The following SPMIP10 variants were observed in gnomAD, a reference collection of about 807,000 sequenced individuals.
SPMIP10 encodes sperm microtubule inner protein 10.
the SPMIP10 span, among the ~76,000 whole-genome samples, chr5:126,633,024 T>A: frequency 4.9e-4 from 68 of 138,828 alleles, 1 homozygote; most frequent in African/African-American, 1.9e-3. Flanking sequence ...TATATATATA[T>A]ATATATATAA....
chr5:126,634,321 AC>A, the SPMIP10 span, among the ~76,000 whole-genome samples: 1 of 152,164 alleles, frequency 6.6e-6, no homozygotes, highest in Non-Finnish European at 1.5e-5. Context: ...AATCCCAGCT[AC>A]TTGGGAGGCT....
chr5:126,633,008 C>CATATACATATATATATAT, the SPMIP10 span, among the ~76,000 whole-genome samples: 83 of 125,314 alleles, frequency 6.6e-4, no homozygotes, highest in Admixed American at 2.2e-3. Context: ...ATAAATTTTA[C>CATATACATATATATATAT]ATATATATAT....
At chr5:126,632,014 A>C in the SPMIP10 span, among the ~76,000 whole-genome samples, 49 of 152,182 alleles carry the variant, frequency 3.2e-4, no homozygotes, top group Non-Finnish European at 6.5e-4. Flanking sequence ...AAGCCAATAT[A>C]GTTTCTGTTT....
chr5:126,633,391 C>T, the SPMIP10 span, among the ~76,000 whole-genome samples: 2 of 152,092 alleles, frequency 1.3e-5, no homozygotes, highest in Non-Finnish European at 2.9e-5. Context: ...GACAGGGTCT[C>T]GCTCTGTCAT....
the SPMIP10 span, among the ~76,000 whole-genome samples, chr5:126,632,352 C>G: frequency 8.7e-5 from 13 of 150,214 alleles, no homozygotes; most frequent in South Asian, 2.1e-4. Flanking sequence ...TTACAGATAC[C>G]TGGCCCTGAC....
At chr5:126,631,757 G>A in the SPMIP10 span, 7 of 1,611,940 alleles carry the variant, frequency 4.3e-6, no homozygotes, top group Non-Finnish European at 5.9e-6. Context: ...AAAGATACTT[G>A]TCCTACTTTG....
At chr5:126,631,923 C>T in the SPMIP10 span, 1 of 724,524 alleles carries the variant, frequency 1.4e-6, no homozygotes, top group East Asian at 2.6e-5. Context: ...GGCATCTATA[C>T]AGAAAGCTTT....
the SPMIP10 span, chr5:126,632,760 G>T: frequency 7.5e-6 from 5 of 664,894 alleles, no homozygotes; most frequent in Non-Finnish European, 1.3e-5. Flanking sequence ...GACCGAGGCG[G>T]GTGGATCACT....
At chr5:126,632,716 G>C in the SPMIP10 span, 1 of 976,924 alleles carries the variant, frequency 1.0e-6, no homozygotes, top group Non-Finnish European at 1.6e-6. Flanking sequence ...AGCCGGATGC[G>C]GTGACTTGTG....
the SPMIP10 span, among the ~76,000 whole-genome samples, chr5:126,634,797 C>T: frequency 6.6e-6 from 1 of 152,080 alleles, no homozygotes; most frequent in African/African-American, 2.4e-5. Context: ...CTAGTAAATG[C>T]TAACTTATGC....
At chr5:126,636,070 A>G in the SPMIP10 span, 1 of 1,614,072 alleles carries the variant, frequency 6.2e-7, no homozygotes, top group African/African-American at 1.3e-5. Context: ...GCCCTTTAGA[A>G]GACTCTCTGT....
At chr5:126,632,598 A>G in the SPMIP10 span, 17 of 1,612,656 alleles carry the variant, frequency 1.1e-5, no homozygotes, top group Non-Finnish European at 1.4e-5. Context: ...GATGATCCCA[A>G]GACGTTATGT....
At chr5:126,632,984 C>T in the SPMIP10 span, among the ~76,000 whole-genome samples, 1 of 129,234 alleles carries the variant, frequency 7.7e-6, no homozygotes, top group African/African-American at 4.1e-5. Context: ...TAGACTCTGT[C>T]TCTAAATAAA....
chr5:126,632,553 G>A, the SPMIP10 span: 79 of 1,583,320 alleles, frequency 5.0e-5, no homozygotes, highest in Non-Finnish European at 6.5e-5. Context: ...CAGGTATGAA[G>A]AGATTCATTT....
chr5:126,631,745 G>A, the SPMIP10 span: 16 of 1,610,370 alleles, frequency 9.9e-6, no homozygotes, highest in Non-Finnish European at 1.3e-5. Context: ...ATGGCTTCAG[G>A]GAAAGATACT....
chr5:126,636,270 T>A, the SPMIP10 span: 1 of 1,547,284 alleles, frequency 6.5e-7, no homozygotes, highest in South Asian at 1.1e-5. Context: ...ATAAAGTGTT[T>A]CAATCTCTGC....
the SPMIP10 span, among the ~76,000 whole-genome samples, chr5:126,634,084 C>T: frequency 1.5e-4 from 23 of 152,204 alleles, no homozygotes; most frequent in African/African-American, 5.5e-4. Context: ...AGCAATTCCA[C>T]TTCTAAGTAT....
the SPMIP10 span, among the ~76,000 whole-genome samples, chr5:126,635,357 A>C: frequency 6.6e-6 from 1 of 152,206 alleles, no homozygotes. Context: ...CATACTTTAA[A>C]CCTTTTTGAT....
At chr5:126,631,878 A>G in the SPMIP10 span, 1 of 1,040,700 alleles carries the variant, frequency 9.6e-7, no homozygotes, top group Non-Finnish European at 1.5e-6. Context: ...CCTGGGAGCC[A>G]CAAAGATACG....
Sources: allele counts gnomAD v4.1 joint callset (sites outside exome capture counted in the v4.1 genomes callset), GRCh38; gene constraint gnomAD v4.1.1; transcripts MANE v1.5; gene names NCBI Gene and HGNC (gene_info 2026-07-23, HGNC 2026-07-21).